The following ANO3 variants were observed in gnomAD, a reference collection of about 807,000 sequenced individuals.
The protein encoded by ANO3 is anoctamin-3.
A neutral mutation model predicts 144.8 loss-of-function variants in ANO3; 99 were observed. That is an observed-to-expected ratio of 0.68 (90% CI 0.58 to 0.81). The LOEUF (loss-of-function observed/expected upper bound fraction) is 0.81. Among genes scored for constraint, ANO3 ranks in the 30% least tolerant of loss-of-function variants. ANO3 has a pLI of 0.00. For missense variants in ANO3, 905 were observed against 1,202.2 expected, an observed-to-expected ratio of 0.75 and a Z score of 3.66; for synonymous variants, 414 against 392.6, an observed-to-expected ratio of 1.05 and a Z score of -0.64.
intron 3 of ANO3, 76 bp downstream of exon 3, chr11:26,443,912 G>A (rs2134026445): frequency 1.0e-6 from 1 of 993,734 alleles, no homozygotes; most frequent in Middle Eastern, 2.1e-4. Flanking sequence ...AAAAAAACTA[G>A]CATTTTTTTT....
At chr11:26,489,764 A>C (rs186829875) in intron 4 of ANO3, among the ~76,000 whole-genome samples, 9 of 152,292 alleles carry the variant, frequency 5.9e-5, no homozygotes. Context: ...TTTGACTTGC[A>C]TGGGCCCTGT....
chr11:26,319,230 C>T (rs1854701137), intron 1 of ANO3, among the ~76,000 whole-genome samples: 1 of 151,900 alleles, frequency 6.6e-6, no homozygotes, highest in South Asian at 2.1e-4. Flanking sequence ...AACTTCTGGA[C>T]TCAAGTGATC....
chr11:26,314,921 T>C (rs1854586310), intron 1 of ANO3, among the ~76,000 whole-genome samples: 1 of 152,194 alleles, frequency 6.6e-6, no homozygotes. Context: ...TCCATTAATA[T>C]AGACCCTTCT....
intron 1 of ANO3, among the ~76,000 whole-genome samples, chr11:26,207,013 A>G (rs1033648453): frequency 2.0e-5 from 3 of 151,804 alleles, no homozygotes; most frequent in Non-Finnish European, 2.9e-5. Flanking sequence ...TAAAACAGTT[A>G]GAGCAGGGTG....
At chr11:26,604,298 T>A (rs915216043) in intron 17 of ANO3, among the ~76,000 whole-genome samples, 2 of 152,236 alleles carry the variant, frequency 1.3e-5, no homozygotes, top group Non-Finnish European at 2.9e-5. Flanking sequence ...AGTACCATGC[T>A]GTTTTGGTTA....
chr11:26,446,596 T>C lies in ANO3; in HGVS notation c.313+2760T>C, dbSNP rs1286110065. 3.3e-5 allele frequency among the ~76,000 whole-genome samples: 5 copies of C among 152,194 alleles called. No individual in the cohort carries two copies. The East Asian group carries it at 9.6e-4, about 29-fold the overall frequency. On this transcript the variant is annotated intron_variant, in intron 3 of 26. Transcript: ENST00000256737. ...GGCTCCCTAACAGGATGGGTACATA[T>C]CATGAAAAAAATGTTATTTTTCCAG...
intron 6 of ANO3, among the ~76,000 whole-genome samples, chr11:26,518,134 A>C (rs294010): frequency 0.96 from 145,904 of 152,116 alleles, 70,093 homozygotes; most frequent in East Asian, 1. Flanking sequence ...CTCAGCACCT[A>C]ATAAACTAAT....
At chr11:26,639,031 G>T (rs1853058666) in intron 20 of ANO3, 113 bp from the exon 21 acceptor site, 1 of 657,426 alleles carries the variant, frequency 1.5e-6, no homozygotes, top group Non-Finnish European at 2.7e-6. Flanking sequence ...TTTTCTTTAT[G>T]CATGAGATGG....
chr11:26,509,571 C>T (rs1274415593), intron 5 of ANO3, among the ~76,000 whole-genome samples: 6 of 152,074 alleles, frequency 3.9e-5, no homozygotes, highest in Non-Finnish European at 7.4e-5. Flanking sequence ...CTTCAGCCCC[C>T]CAAAGTACTG....
chr11:26,438,387 G>C (rs946424644), intron 1 of ANO3, among the ~76,000 whole-genome samples: 1 of 151,782 alleles, frequency 6.6e-6, no homozygotes, highest in Non-Finnish European at 1.5e-5. Flanking sequence ...AATATTTACA[G>C]GTCACCTAGC....
intron 23 of ANO3, 41 bp from the exon 24 acceptor site, chr11:26,647,668 T>G (rs536430988): frequency 1.9e-6 from 3 of 1,556,100 alleles, no homozygotes; most frequent in African/African-American, 1.4e-5. Flanking sequence ...GTTTTCATAT[T>G]CTTCATTTTT....
intron 14 of ANO3, among the ~76,000 whole-genome samples, chr11:26,577,217 T>C (rs1174075465): frequency 4.6e-5 from 7 of 152,182 alleles, no homozygotes; most frequent in Non-Finnish European, 7.3e-5. Context: ...GGTAGTCATG[T>C]AGACAGAAAA....
chr11:26,313,548 G>A (rs542762314), intron 1 of ANO3, among the ~76,000 whole-genome samples: 7 of 151,932 alleles, frequency 4.6e-5, no homozygotes, highest in African/African-American at 1.5e-4. Flanking sequence ...TTAGCTGGGC[G>A]TGGTGGTGCG....
intron 4 of ANO3, among the ~76,000 whole-genome samples, chr11:26,505,929 C>G (rs1861412743): frequency 6.9e-6 from 1 of 144,020 alleles, no homozygotes; most frequent in African/African-American, 2.6e-5. Flanking sequence ...GGAGGCGGAG[C>G]TTGCAGTGAG....
rs144778979 is a variant in ANO3 at position 26,360,712 on chromosome 11, C to T, written c.46+28391C>T. 1.1e-4 allele frequency among the ~76,000 whole-genome samples: 17 copies of T among 152,224 alleles called. 1 individual carries two copies. Among genetic ancestry groups the T allele is most frequent in the African/African-American group, 3.4e-4 (14 of 41,546 alleles). ...GGAATCCTCTCTGCATGTTTTTATTCGAAGCTTTCTCTGCTCTACTTTGTC... is the reference window on the plus strand; with the variant it reads ...GGAATCCTCTCTGCATGTTTTTATTTGAAGCTTTCTCTGCTCTACTTTGTC... On this transcript the variant is annotated intron_variant, in intron 1 of 26. Coordinates refer to ENST00000256737, the MANE Select transcript of ANO3 (RefSeq NM_031418.4).
chr11:26,251,975 A>G (rs1852937764), intron 1 of ANO3, among the ~76,000 whole-genome samples: 1 of 152,228 alleles, frequency 6.6e-6, no homozygotes, highest in Non-Finnish European at 1.5e-5. Context: ...CAGTGAGGTT[A>G]TATCATGTAT....
At chr11:26,581,687 T>C (rs1851135804) in intron 14 of ANO3, among the ~76,000 whole-genome samples, 1 of 16,146 alleles carries the variant, frequency 6.2e-5, no homozygotes, top group Non-Finnish European at 1.5e-4. Flanking sequence ...AGACTCTGTC[T>C]CAAAAAAAAA....
At chr11:26,378,345 A>G (rs1413051550) in intron 1 of ANO3, among the ~76,000 whole-genome samples, 1 of 148,260 alleles carries the variant, frequency 6.7e-6, no homozygotes, top group Non-Finnish European at 1.5e-5. Context: ...TATAGATTAT[A>G]TATATCTATA....
chr11:26,236,680 T>A (rs1023723939), intron 1 of ANO3, among the ~76,000 whole-genome samples: 1 of 151,962 alleles, frequency 6.6e-6, no homozygotes, highest in African/African-American at 2.4e-5. Flanking sequence ...TAGCCGGGCA[T>A]GGTGGCGGGC....
Sources: allele counts gnomAD v4.1 joint callset (sites outside exome capture counted in the v4.1 genomes callset), GRCh38; gene constraint gnomAD v4.1.1; transcripts MANE v1.5; gene names NCBI Gene and HGNC (gene_info 2026-07-23, HGNC 2026-07-21).